The following DACH2 variants were observed in gnomAD, a reference collection of about 807,000 sequenced individuals.
DACH2 encodes dachshund family transcription factor 2.
A neutral mutation model predicts 35.8 loss-of-function variants in DACH2; 17 were observed. The ratio of observed to expected loss-of-function variants is 0.48; its 90% CI spans 0.33 to 0.71. DACH2 has a LOEUF of 0.71. Among genes scored for constraint, DACH2 ranks in the 30% least tolerant of loss-of-function variants. DACH2 has a pLI of 0.02. For synonymous variants in DACH2, 195 were observed against 177.3 expected (o/e 1.10, Z -0.79); for missense variants, 469 against 472.7 (o/e 0.99, Z 0.07).
At chrX:86,703,590 A>G (rs1313830521) in intron 5 of DACH2, among the ~76,000 whole-genome samples, 1 of 112,174 alleles carries the variant, frequency 8.9e-6, no homozygotes, top group Non-Finnish European at 1.9e-5. Flanking sequence ...ATACAAAATC[A>G]ACATACAAAA....
intron 2 of DACH2, among the ~76,000 whole-genome samples, chrX:86,507,183 T>A (rs1420747132): frequency 1.8e-5 from 2 of 111,373 alleles, no homozygotes; most frequent in African/African-American, 6.5e-5. Context: ...ATGGACTTGC[T>A]CAAGTTCTTA....
At chrX:86,495,494 G>T (rs1184869325) in intron 2 of DACH2, among the ~76,000 whole-genome samples, 1 of 110,283 alleles carries the variant, frequency 9.1e-6, no homozygotes, top group African/African-American at 3.3e-5. Flanking sequence ...CAAAGCTATG[G>T]ACTCATACAG....
intron 4 of DACH2, among the ~76,000 whole-genome samples, chrX:86,689,005 C>T (rs2040979861): frequency 9.0e-6 from 1 of 111,375 alleles, no homozygotes; most frequent in Non-Finnish European, 1.9e-5. Flanking sequence ...CAAGTGCAGC[C>T]CTAGAGGCTC....
Position 86,701,144 on chromosome X carries a change from C to T in DACH2, c.931+5965C>T, listed in dbSNP as rs188906764. ...TACTAGCAAACCAAATTGAGCAACA[C>T]GTAGAAAGCTAATCCACCATGATCA... On this transcript the variant is annotated intron_variant, in intron 5 of 11. Coordinates refer to ENST00000373125, the MANE Select transcript of DACH2 (RefSeq NM_053281.3). Among the ~76,000 whole-genome samples the T allele has an allele frequency of 2.2e-3, 248 of 110,818 alleles. 1 individual carries two copies. Among genetic ancestry groups the T allele is most frequent in the African/African-American group, 7.7e-3 (235 of 30,529 alleles).
At chrX:86,703,409 A>T (rs2041167782) in intron 5 of DACH2, among the ~76,000 whole-genome samples, 1 of 111,484 alleles carries the variant, frequency 9.0e-6, no homozygotes, top group Non-Finnish European at 1.9e-5. Flanking sequence ...TAGTATTGGA[A>T]GTCCTAGCCA....
chrX:86,269,330 A>AT (rs1229354901), intron 1 of DACH2, among the ~76,000 whole-genome samples: 1 of 111,725 alleles, frequency 9.0e-6, no homozygotes, highest in South Asian at 3.7e-4. Context: ...GAATCTCTTT[A>AT]TTTTTTTGTG....
intron 3 of DACH2, among the ~76,000 whole-genome samples, chrX:86,562,113 T>C (rs189513226): frequency 9.1e-6 from 1 of 110,416 alleles, no homozygotes; most frequent in East Asian, 2.9e-4. Context: ...TTTTTTGATA[T>C]TTGGGAGCAA....
intron 1 of DACH2, among the ~76,000 whole-genome samples, chrX:86,302,190 C>G (rs186031115): frequency 1.7e-3 from 193 of 111,200 alleles, no homozygotes; most frequent in Non-Finnish European, 2.9e-3. Context: ...GACTTCCTAA[C>G]TTTGCATAAA....
chrX:86,598,911 G>A (rs932893256), intron 3 of DACH2, among the ~76,000 whole-genome samples: 4 of 109,000 alleles, frequency 3.7e-5, no homozygotes, highest in East Asian at 5.8e-4. Context: ...CCATTAACTC[G>A]TCATTTACAC....
chrX:86,761,290 C>T (rs753018901), intron 7 of DACH2, among the ~76,000 whole-genome samples: 5 of 110,984 alleles, frequency 4.5e-5, no homozygotes, highest in East Asian at 2.8e-4. Flanking sequence ...TGAGAACATG[C>T]GGTGTTTGGT....
intron 3 of DACH2, among the ~76,000 whole-genome samples, chrX:86,633,263 A>C: frequency 9.0e-6 from 1 of 111,648 alleles, no homozygotes; most frequent in East Asian, 2.8e-4. Context: ...AAAATGAAAA[A>C]GAGACATTAC....
At chrX:86,814,116 G>C (rs926254773) in intron 9 of DACH2, among the ~76,000 whole-genome samples, 1 of 111,497 alleles carries the variant, frequency 9.0e-6, no homozygotes, top group Non-Finnish European at 1.9e-5. Context: ...TACAGAGAAA[G>C]AGCAAGAGAG....
intron 4 of DACH2, among the ~76,000 whole-genome samples, chrX:86,694,193 C>G (rs921230891): frequency 1.8e-5 from 2 of 111,630 alleles, no homozygotes; most frequent in Admixed American, 1.9e-4. Context: ...ATAGATGAAG[C>G]TGCCTGCACA....
rs67988965 is a variant in DACH2, at chrX:86,679,616, CTGTGTGTGTGTGTG to C, written c.773-15375_773-15362del. Among the ~76,000 whole-genome samples the C allele has an allele frequency of 1.9e-3, 185 of 96,281 alleles. 1 individual carries two copies. The highest frequency in any genetic ancestry group is 3.0e-3 in the Non-Finnish European group (145 of 47,795). 83.6% of individuals were successfully genotyped at this position (96,281 alleles called of 115,157 possible). On this transcript the variant is annotated intron_variant, in intron 4 of 11. Coordinates refer to ENST00000373125, the MANE Select transcript of DACH2 (RefSeq NM_053281.3). ...TCTCTCTCTCTCTCTCTCTCTGTCTCTGTGTGTGTGTGTGTGTGTGTGTGTGTGTGTGTGTGTGT... is the reference window on the plus strand; with the variant it reads ...TCTCTCTCTCTCTCTCTCTCTGTCTCTGTGTGTGTGTGTGTGTGTGTGTGT...
chrX:86,612,723 A>G lies in DACH2; in HGVS notation c.641-38313A>G, dbSNP rs191253717. 6.6e-3 allele frequency among the ~76,000 whole-genome samples: 744 copies of G among 112,411 alleles called. 3 individuals are homozygous for G. The highest frequency in any genetic ancestry group is 0.011 in the Non-Finnish European group (596 of 53,249). On this transcript the variant is annotated intron_variant, in intron 3 of 11. Transcript: ENST00000373125. Reference sequence around the variant, plus strand: ...CAATTCAAGACTGTCTTTCCTACCCACTACAGTGCCTATTTCAACATATGA... The same window carrying G: ...CAATTCAAGACTGTCTTTCCTACCCGCTACAGTGCCTATTTCAACATATGA...
At chrX:86,387,612 C>G (rs763164049) in intron 2 of DACH2, among the ~76,000 whole-genome samples, 2 of 111,618 alleles carry the variant, frequency 1.8e-5, no homozygotes, top group South Asian at 7.4e-4. Flanking sequence ...ATGAGTAAAA[C>G]CAAAACTTAT....
chrX:86,396,728 G>A (rs1261547160), intron 2 of DACH2, among the ~76,000 whole-genome samples: 1 of 111,044 alleles, frequency 9.0e-6, no homozygotes, highest in Non-Finnish European at 1.9e-5. Flanking sequence ...TGAGGGCTCT[G>A]TTCTGTTCCA....
chrX:86,714,948 G>T (rs1417620415), intron 6 of DACH2, among the ~76,000 whole-genome samples: 1 of 111,493 alleles, frequency 9.0e-6, no homozygotes, highest in South Asian at 3.7e-4. Flanking sequence ...TTCCTGTCTT[G>T]CAATCATGTG....
chrX:86,471,750 T>A (rs1478326581), intron 2 of DACH2, among the ~76,000 whole-genome samples: 1 of 111,343 alleles, frequency 9.0e-6, no homozygotes, highest in African/African-American at 3.3e-5. Flanking sequence ...CCGATTTAAG[T>A]AAAGACTTTT....
Sources: allele counts gnomAD v4.1 joint callset (sites outside exome capture counted in the v4.1 genomes callset), GRCh38; gene constraint gnomAD v4.1.1; transcripts MANE v1.5; gene names NCBI Gene and HGNC (gene_info 2026-07-23, HGNC 2026-07-21).